MGMT: variants seen among roughly 807,000 people sequenced by gnomAD.
The protein encoded by MGMT is O-6-methylguanine-DNA methyltransferase, also known as methylated-DNA--protein-cysteine methyltransferase.
In MGMT, 14 loss-of-function variants were observed where a neutral mutation model predicts 15.9. That is an observed-to-expected ratio of 0.88 (90% CI 0.58 to 1.37). The LOEUF is 1.37. Among genes scored for constraint, MGMT ranks in the 40% most tolerant of loss-of-function variants. The pLI is 0.00. For missense variants in MGMT, 282 were observed against 268.1 expected (o/e 1.05, Z -0.36); for synonymous variants, 130 against 118.2 (o/e 1.10, Z -0.65).
At chr10:129,731,840 A>T (rs566202873) in intron 3 of MGMT, among the ~76,000 whole-genome samples, 1 of 152,316 alleles carries the variant, frequency 6.6e-6, no homozygotes, top group East Asian at 1.9e-4. Flanking sequence ...TGCAGAATGG[A>T]ATGCCTTGAT....
intron 1 of MGMT, among the ~76,000 whole-genome samples, chr10:129,512,873 A>G (rs1456637256): frequency 6.6e-6 from 1 of 151,950 alleles, no homozygotes; most frequent in African/African-American, 2.4e-5. Flanking sequence ...TAGAATTCCC[A>G]TGTGGCCCAG....
chr10:129,748,841 A>G (rs1045363540), intron 3 of MGMT, among the ~76,000 whole-genome samples: 5 of 152,178 alleles, frequency 3.3e-5, no homozygotes, highest in African/African-American at 1.2e-4. Context: ...CCTGGCTCAC[A>G]CTTTCTGCCA....
chr10:129,572,273 G>C (rs1846429010), intron 2 of MGMT, among the ~76,000 whole-genome samples: 1 of 152,076 alleles, frequency 6.6e-6, no homozygotes, highest in Non-Finnish European at 1.5e-5. Flanking sequence ...ACTTGTCCTG[G>C]AAAACCTGTA....
At chr10:129,648,717 T>A (rs1040292836) in intron 2 of MGMT, among the ~76,000 whole-genome samples, 1 of 152,234 alleles carries the variant, frequency 6.6e-6, no homozygotes, top group Non-Finnish European at 1.5e-5. Flanking sequence ...TGTCCTTGTA[T>A]CTGTATTTTG....
chr10:129,525,599 T>C (rs1218090003), intron 1 of MGMT, among the ~76,000 whole-genome samples: 1 of 152,116 alleles, frequency 6.6e-6, no homozygotes, highest in African/African-American at 2.4e-5. Context: ...AACCAAAGCA[T>C]CATTAATCAG....
chr10:129,678,708 A>T (rs1300924166), intron 2 of MGMT, among the ~76,000 whole-genome samples: 1 of 152,154 alleles, frequency 6.6e-6, no homozygotes, highest in East Asian at 1.9e-4. Context: ...TTAATGACAC[A>T]GGATCCACTA....
In MGMT at chr10:129,732,665, T is replaced by C. The variant is rs1848514462; in HGVS notation, c.274+24622T>C. Among the ~76,000 whole-genome samples, 7 of 149,202 alleles carry C rather than the reference T, an allele frequency of 4.7e-5. No homozygotes were observed. In the South Asian group the frequency reaches 1.6e-3, roughly 33 times the overall value. ...CTTGTGCACTGCACCCACTAACTCG[T>C]CATCTAGCATTAGGTATATCTCCCA... On this transcript the variant is annotated intron_variant, in intron 3 of 4. Transcript: ENST00000651593.
chr10:129,563,158 G>T (rs150461650), intron 2 of MGMT, among the ~76,000 whole-genome samples: 1 of 152,168 alleles, frequency 6.6e-6, no homozygotes, highest in Non-Finnish European at 1.5e-5. Context: ...TTTCAGGGTC[G>T]ATGTTTTTAA....
At position 129,533,978 on chromosome 10, in the gene MGMT, G is replaced by A. The variant is rs1158495917; in HGVS notation, c.-12-2263G>A. On this transcript the variant is annotated intron_variant, in intron 1 of 4. Transcript: ENST00000651593. This position sits in a 1 kb window ranked among gnomAD's most constrained non-coding sequence, Gnocchi z 4.5. ...GATAAGATCAGAGGTGAAGGGGGTTGGGCTAAAATGTTGATCATGGTGGGA... is the reference window on the plus strand; with the variant it reads ...GATAAGATCAGAGGTGAAGGGGGTTAGGCTAAAATGTTGATCATGGTGGGA... Among the ~76,000 whole-genome samples the A allele has an allele frequency of 6.6e-6, 1 of 152,130 alleles. No homozygotes were observed. Among genetic ancestry groups the A allele is most frequent in the Non-Finnish European group, 1.5e-5 (1 of 68,026 alleles).
intron 2 of MGMT, among the ~76,000 whole-genome samples, chr10:129,589,903 G>C (rs935674644): frequency 6.6e-6 from 1 of 152,236 alleles, no homozygotes; most frequent in Non-Finnish European, 1.5e-5. Flanking sequence ...GGCAGAGGAC[G>C]TGGGATCTGG....
At chr10:129,626,971 A>G (rs1289843927) in intron 2 of MGMT, among the ~76,000 whole-genome samples, 1 of 152,100 alleles carries the variant, frequency 6.6e-6, no homozygotes, top group Non-Finnish European at 1.5e-5. Context: ...GATCAAGGAG[A>G]GTGATGGGTG....
At chr10:129,673,217 A>G (rs896535725) in intron 2 of MGMT, among the ~76,000 whole-genome samples, 2 of 152,156 alleles carry the variant, frequency 1.3e-5, no homozygotes, top group Non-Finnish European at 2.9e-5. Context: ...CGCTGGCCCA[A>G]AATTGTCGCT....
intron 2 of MGMT, among the ~76,000 whole-genome samples, chr10:129,686,901 G>A (rs957655110): frequency 5.3e-5 from 8 of 152,280 alleles, no homozygotes; most frequent in South Asian, 4.1e-4. Context: ...TGGGCAGGGC[G>A]TGGGGGTTCT....
intron 1 of MGMT, among the ~76,000 whole-genome samples, chr10:129,488,002 T>TACAC (rs1491199847): frequency 6.7e-4 from 51 of 75,816 alleles, no homozygotes; most frequent in African/African-American, 2.1e-3. Context: ...CACACATAGG[T>TACAC]ATACACACAC....
chr10:129,713,199 T>C (rs969018191), intron 3 of MGMT, among the ~76,000 whole-genome samples: 1 of 152,172 alleles, frequency 6.6e-6, no homozygotes, highest in African/African-American at 2.4e-5. Flanking sequence ...GCTGTTCCCC[T>C]TGATTTTAAA....
intron 2 of MGMT, among the ~76,000 whole-genome samples, chr10:129,635,428 G>A (rs563346878): frequency 2.0e-5 from 3 of 152,188 alleles, no homozygotes; most frequent in African/African-American, 4.8e-5. Flanking sequence ...CAGGGCAGTC[G>A]CAGCCTTTTC....
intron 1 of MGMT, among the ~76,000 whole-genome samples, chr10:129,529,415 TC>T (rs1845906031): frequency 2.0e-5 from 3 of 152,140 alleles, no homozygotes; most frequent in Admixed American, 2.0e-4. Flanking sequence ...CCAGCCTAGA[TC>T]CCTCCCATGC....
chr10:129,670,269 T>C (rs1847707135), intron 2 of MGMT, among the ~76,000 whole-genome samples: 1 of 152,164 alleles, frequency 6.6e-6, no homozygotes, highest in Non-Finnish European at 1.5e-5. Context: ...CAACTAATCC[T>C]TTTTTGCTTC....
At chr10:129,535,346 G>C (rs569006982) in intron 1 of MGMT, among the ~76,000 whole-genome samples, 1 of 152,110 alleles carries the variant, frequency 6.6e-6, no homozygotes, top group East Asian at 1.9e-4. Flanking sequence ...CAGTGAGCTA[G>C]GATTGCACCG....
Sources: gnomAD v4.1 joint callset for allele counts (sites outside exome capture counted in the v4.1 genomes callset) on GRCh38, gnomAD v4.1.1 for gene constraint, Gnocchi (gnomAD v3.1) non-coding constraint, MANE v1.5 for transcripts, NCBI Gene and HGNC (gene_info 2026-07-23, HGNC 2026-07-21) for gene names.